The following GJB7 variants were observed in gnomAD, a reference collection of about 807,000 sequenced individuals.
GJB7 encodes the protein gap junction protein beta 7.
For synonymous variants in GJB7, 87 were observed against 95.2 expected (o/e 0.91, Z 0.50); for missense variants, 253 against 256.8 (o/e 0.99, Z 0.10).
chr6:87,328,699 CTTT>C (rs1039031260), intron 1 of GJB7, among the ~76,000 whole-genome samples: 5 of 152,220 alleles, frequency 3.3e-5, no homozygotes, highest in African/African-American at 1.2e-4. Flanking sequence ...ATACTGCTGT[CTTT>C]TTGTTTGTCT....
In GJB7 at chr6:87,284,049, T is replaced by C. The variant is rs193139387; in HGVS notation, c.*192A>G. 1.9e-5 allele frequency: 11 copies of C among 575,130 alleles called. No homozygotes were observed. Among genetic ancestry groups the C allele is most frequent in the Admixed American group, 1.2e-4 (4 of 32,924 alleles). 35.6% of individuals were successfully genotyped at this position (575,130 alleles called of 1,614,324 possible). On this transcript the variant is annotated 3_prime_UTR_variant, in exon 3 of 3. Coordinates refer to ENST00000525899, the MANE Select transcript of GJB7 (RefSeq NM_198568.3). Reference sequence around the variant, plus strand: ...TCCTCCCAAATGATACTAAGGCTGATGTGCTTTGTCTTCCAACTCAGCTTA... The same window carrying C: ...TCCTCCCAAATGATACTAAGGCTGACGTGCTTTGTCTTCCAACTCAGCTTA...
At chr6:87,293,661 C>T (rs1017793316) in intron 2 of GJB7, among the ~76,000 whole-genome samples, 3 of 152,162 alleles carry the variant, frequency 2.0e-5, no homozygotes, top group Admixed American at 2.0e-4. Flanking sequence ...GCTAAGACAC[C>T]TTCTGCTAGC....
At position 87,302,826 on chromosome 6, in the gene GJB7, T is replaced by C. The variant is rs184971935; in HGVS notation, c.-27-17887A>G. 3.0e-4 allele frequency among the ~76,000 whole-genome samples: 45 copies of C among 152,258 alleles called. No homozygotes were observed. The East Asian group carries it at 8.5e-3, about 29-fold the overall frequency. On this transcript the variant is annotated intron_variant, in intron 2 of 2. Transcript: ENST00000525899. ...GGAAGCCCATCAGACTAACAGCGGA[T>C]CTCTTGGCAGAAACTCTACAAGCCA... is the stretch of plus-strand genomic sequence containing the variant.
rs1239202162 is a variant in GJB7, at chr6:87,284,633, G to A, written c.280C>T (p.His94Tyr). The A allele has an allele frequency of 1.2e-6, 2 of 1,614,188 alleles. No individual in the cohort carries two copies. Among genetic ancestry groups the A allele is most frequent in the Admixed American group, 3.3e-5 (2 of 60,012 alleles). ...TCTCTACCCTCATGATAGGCTACAT[G>A]TAAAACCACCAGAAGTGAAGGTGTG... The part of the protein sequence containing the change: ...VSTPSLLVVL[H>Y]VAYHEGREKR... Residue 94 changes from histidine to tyrosine, a missense_variant, in exon 3 of 3, where the codon CAT (histidine) becomes TAT (tyrosine). Coordinates refer to ENST00000525899, the MANE Select transcript of GJB7 (RefSeq NM_198568.3).
intron 2 of GJB7, among the ~76,000 whole-genome samples, chr6:87,293,056 G>A (rs1389495672): frequency 2.0e-5 from 3 of 152,128 alleles, no homozygotes; most frequent in South Asian, 2.1e-4. Flanking sequence ...TTTTTGAGAC[G>A]GAGTCTCGCT....
chr6:87,319,300 T>C (rs780911653), intron 2 of GJB7, among the ~76,000 whole-genome samples: 4 of 152,246 alleles, frequency 2.6e-5, no homozygotes, highest in Non-Finnish European at 5.9e-5. Flanking sequence ...ATCATTCACA[T>C]TGTATTCATA....
Position 87,329,124 on chromosome 6 carries a change from G to C in GJB7, c.-206+14C>G, listed in dbSNP as rs1316882725. ...CCCTGCTTCGGCTCTCACATGGTGC[G>C]CGCACCCACTTACCTGCGCCCAGTG... On this transcript the variant is annotated intron_variant, in intron 1 of 2. Transcript: ENST00000525899. 1 of 154,674 alleles carries C rather than the reference G, an allele frequency of 6.5e-6. No individual in the cohort carries two copies. The highest frequency in any genetic ancestry group is 1.4e-5 in the Non-Finnish European group (1 of 70,164). The allele number at this position is 154,674 out of a possible 1,614,324, so 9.6% of individuals were successfully genotyped here.
At chr6:87,299,310 T>C (rs1776287690) in intron 2 of GJB7, 5 of 480,230 alleles carry the variant, frequency 1.0e-5, no homozygotes, top group South Asian at 7.9e-5. Context: ...TCAACATCAT[T>C]TCTGATGCAA....
At chr6:87,297,645 A>G (rs1233595244) in intron 2 of GJB7, among the ~76,000 whole-genome samples, 2 of 152,230 alleles carry the variant, frequency 1.3e-5, no homozygotes, top group African/African-American at 4.8e-5. Flanking sequence ...TTACTGTCAC[A>G]TGAAAAGGCA....
intron 2 of GJB7, among the ~76,000 whole-genome samples, chr6:87,321,379 A>G (rs911755570): frequency 2.6e-5 from 4 of 152,178 alleles, no homozygotes; most frequent in Non-Finnish European, 5.9e-5. Context: ...AGGTCCCACT[A>G]TGTGTCACGT....
intron 2 of GJB7, among the ~76,000 whole-genome samples, chr6:87,319,575 C>T (rs1320383882): frequency 6.6e-6 from 1 of 152,196 alleles, no homozygotes; most frequent in African/African-American, 2.4e-5. Context: ...TTAGCTACTG[C>T]AGTAACAGCT....
intron 2 of GJB7, among the ~76,000 whole-genome samples, chr6:87,320,101 T>C (rs578208759): frequency 6.6e-6 from 1 of 152,216 alleles, no homozygotes; most frequent in East Asian, 1.9e-4. Flanking sequence ...GATCTAGTAT[T>C]TGATAGCACA....
intron 2 of GJB7, among the ~76,000 whole-genome samples, chr6:87,295,549 T>C (rs754181746): frequency 4.6e-5 from 7 of 152,150 alleles, no homozygotes; most frequent in Non-Finnish European, 8.8e-5. Context: ...AAATACTCTG[T>C]GGGTACAGAA....
At chr6:87,307,113 A>C (rs1160086961) in intron 2 of GJB7, among the ~76,000 whole-genome samples, 1 of 152,028 alleles carries the variant, frequency 6.6e-6, no homozygotes, top group African/African-American at 2.4e-5. Context: ...AGCATGGCAC[A>C]TGTATACATA....
rs78875292 is a variant in GJB7, at chr6:87,294,324, G to T, written c.-27-9385C>A. On this transcript the variant is annotated intron_variant, in intron 2 of 2. Coordinates refer to ENST00000525899, the MANE Select transcript of GJB7 (RefSeq NM_198568.3). ...AAAGGCAGTGTAAGCCAGAGCCTTT[G>T]AATGACTGGTGTGTCCCCCTCAATG... is the stretch of plus-strand genomic sequence containing the variant. Among the ~76,000 whole-genome samples the T allele has an allele frequency of 8.5e-5, 13 of 152,332 alleles. No individual in the cohort carries two copies. In the East Asian group the frequency reaches 1.9e-3, roughly 23 times the overall value.
At chr6:87,290,176 CAA>C (rs887083505) in intron 2 of GJB7, among the ~76,000 whole-genome samples, 2 of 152,132 alleles carry the variant, frequency 1.3e-5, no homozygotes, top group African/African-American at 2.4e-5. Flanking sequence ...CTGAAAAACT[CAA>C]AGAGGTGGGA....
chr6:87,322,171 A>T (rs1776676776), intron 2 of GJB7: 1 of 152,176 alleles, frequency 6.6e-6, no homozygotes, highest in Admixed American at 6.5e-5. Flanking sequence ...GCCCTAACGT[A>T]ATGGCAGAGT....
chr6:87,288,154 GC>G (rs1465383239), intron 2 of GJB7, among the ~76,000 whole-genome samples: 1 of 152,068 alleles, frequency 6.6e-6, no homozygotes, highest in Non-Finnish European at 1.5e-5. Context: ...GCCCACCTCA[GC>G]CTCCCGAAGT....
chr6:87,310,782 C>A (rs537845057), intron 2 of GJB7, among the ~76,000 whole-genome samples: 2 of 152,252 alleles, frequency 1.3e-5, no homozygotes, highest in East Asian at 3.9e-4. Flanking sequence ...GGATACTAAT[C>A]GCCAAAATAT....
Sources: allele counts gnomAD v4.1 joint callset (sites outside exome capture counted in the v4.1 genomes callset), GRCh38; gene constraint gnomAD v4.1.1; transcripts MANE v1.5; gene names NCBI Gene and HGNC (gene_info 2026-07-23, HGNC 2026-07-21).